Variants in CEACAM16 observed in about 807,000 individuals in gnomAD.
CEACAM16 encodes the protein cell adhesion molecule CEACAM16.
A neutral mutation model predicts 39.4 loss-of-function variants in CEACAM16; 30 were observed. That is an observed-to-expected ratio of 0.76 (90% CI 0.57 to 1.03). The LOEUF (loss-of-function observed/expected upper bound fraction) is 1.03, where lower values mean the gene tolerates loss of function less well. Among genes scored for constraint, CEACAM16 ranks in the 50% least tolerant of loss-of-function variants. CEACAM16 has a pLI of 0.00. For synonymous variants in CEACAM16, 262 were observed against 264.9 expected (o/e 0.99, Z 0.11); for missense variants, 521 against 585.3 (o/e 0.89, Z 1.13).
chr19:44,703,792 A>T, intron 3 of CEACAM16, 99 bp downstream of exon 3: 1 of 1,090,300 alleles, frequency 9.2e-7, no homozygotes, highest in African/African-American at 1.6e-5. Context: ...CCAACAAATC[A>T]TCAGGGAAAC....
rs773120201 is a variant in CEACAM16, at chr19:44,703,458, C to G, written c.147C>G (p.Leu49=). ...TCCATGGGCTTTCGGGGGAACTGCT[C>G]GCCTACAGCTGGTATGCGGGGCCCA... ...LVVHGLSGEL[L]AYSWYAGPTL... is the part of the protein sequence containing the mutation. Residue 49 remains leucine (L), a synonymous_variant, in exon 3 of 7, where the codon CTC becomes CTG. Transcript: ENST00000587331. 1 of 1,613,852 alleles carries G rather than the reference C, an allele frequency of 6.2e-7. No homozygotes were observed. Among genetic ancestry groups the G allele is most frequent in the Non-Finnish European group, 8.5e-7 (1 of 1,179,904 alleles).
At chr19:44,699,568 GGTTTCACCAT>G in intron 1 of CEACAM16, 1 of 376,516 alleles carries the variant, frequency 2.7e-6, no homozygotes, top group East Asian at 7.2e-5. Flanking sequence ...GTAGAGACAG[GGTTTCACCAT>G]GCTGGCCAGG....
At position 44,710,695 on chromosome 19, in the gene CEACAM16, G is replaced by A; in HGVS notation, c.*189G>A. 1.5e-6 allele frequency: 1 copy of A among 676,158 alleles called. No homozygotes were observed. The highest frequency in any genetic ancestry group is 2.5e-6 in the Non-Finnish European group (1 of 402,038). 41.9% of individuals were successfully genotyped at this position (676,158 alleles called of 1,614,324 possible). The stretch of plus-strand genomic sequence containing the variant: ...GCTGAGCTGTTGGGGAGCCACCGAG[G>A]CCATAAACGTCCTGGTTAATGCACA... On this transcript the variant is annotated 3_prime_UTR_variant, in exon 7 of 7. Transcript: ENST00000587331.
chr19:44,703,613 G>A lies in CEACAM16; in HGVS notation c.302G>A (p.Arg101Gln), dbSNP rs985644364. The change falls in exon 3 of 7, where the codon CGG becomes CAG. Residue 101 changes from arginine to glutamine, a missense_variant. Arg to Gln is a conservative substitution (Grantham distance 43). Coordinates refer to ENST00000587331, the MANE Select transcript of CEACAM16 (RefSeq NM_001039213.4). The stretch of plus-strand genomic sequence containing the variant: ...CTGGACATCCAGGGCATCCTGCCCC[G>A]GCACTCAGGCACCTACATCCTGCAG... ...GSLDIQGILP[R>Q]HSGTYILQTF... The A allele has an allele frequency of 2.0e-5, 32 of 1,608,694 alleles. No individual in the cohort carries two copies. Among genetic ancestry groups the A allele is most frequent in the Non-Finnish European group, 2.4e-5 (28 of 1,177,474 alleles).
In CEACAM16 at chr19:44,705,592, G is replaced by T. The variant is rs1974430373; in HGVS notation, c.664G>T (p.Gly222Cys). Residue 222 changes from glycine to cysteine, a missense_variant and splice_region_variant, in exon 5 of 7, where the codon GGC becomes TGC. Transcript: ENST00000587331. Reference protein sequence around the residue: ...SEPINLTVYFGPERVAILQDS... With the variant: ...SEPINLTVYFCPERVAILQDS... The stretch of plus-strand genomic sequence containing the variant: ...CTATCTCCCTCCTGCCCCCACAGTT[G>T]GCCCAGAGCGTGTGGCCATCCTCCA... 6.3e-7 allele frequency: 1 copy of T among 1,593,972 alleles called. No individual in the cohort carries two copies. The highest frequency in any genetic ancestry group is 8.6e-7 in the Non-Finnish European group (1 of 1,165,400).
chr19:44,701,546 G>T lies in CEACAM16; in HGVS notation c.37+53G>T, dbSNP rs1222194833. The stretch of plus-strand genomic sequence containing the variant: ...CTCAGCCCCCCGAGGACCCCAGGGA[G>T]GGGAGGGGACCCCCAGTCTGAGAGA... On this transcript the variant is annotated intron_variant, in intron 2 of 6. Coordinates refer to ENST00000587331, the MANE Select transcript of CEACAM16 (RefSeq NM_001039213.4). This position sits in a 1 kb window ranked among gnomAD's most constrained non-coding sequence, Gnocchi z 4.0. The T allele has an allele frequency of 6.6e-7, 1 of 1,522,826 alleles. No homozygotes were observed. The highest frequency in any genetic ancestry group is 2.4e-5 in the East Asian group (1 of 40,860). 94.3% of individuals were successfully genotyped at this position (1,522,826 alleles called of 1,614,324 possible).
In CEACAM16 at chr19:44,710,564, C is replaced by T. The variant is rs1974521527; in HGVS notation, c.*58C>T. On this transcript the variant is annotated 3_prime_UTR_variant, in exon 7 of 7. Coordinates refer to ENST00000587331, the MANE Select transcript of CEACAM16 (RefSeq NM_001039213.4). ...GCTCTTCGCACCATCCTCTGGTCCTCGCCCTCTGAGTGGGAACCACTCCCC... is the reference window on the plus strand; with the variant it reads ...GCTCTTCGCACCATCCTCTGGTCCTTGCCCTCTGAGTGGGAACCACTCCCC... 2.8e-5 allele frequency: 45 copies of T among 1,610,994 alleles called. No individual in the cohort carries two copies. Among genetic ancestry groups the T allele is most frequent in the East Asian group, 4.5e-5 (2 of 44,870 alleles).
rs374698222 is a variant in CEACAM16 at position 44,705,813 on chromosome 19, G to A, written c.885G>A (p.Ala295=). The change falls in exon 5 of 7, where the codon GCG becomes GCA. Residue 295 remains alanine, a synonymous_variant. Coordinates refer to ENST00000587331, the MANE Select transcript of CEACAM16 (RefSeq NM_001039213.4). ...AGGAGGGGACGTACACATGTATTGC[G>A]AAGAACACCAAGACCCTGCTATCTG... ...AAQEGTYTCI[A]KNTKTLLSGS... The A allele has an allele frequency of 5.4e-4, 866 of 1,613,942 alleles. No homozygotes were observed. Among genetic ancestry groups the A allele is most frequent in the Non-Finnish European group, 6.5e-4 (769 of 1,179,886 alleles).
intron 4 of CEACAM16, among the ~76,000 whole-genome samples, chr19:44,704,767 A>G (rs1470481346): frequency 2.0e-5 from 3 of 151,328 alleles, no homozygotes; most frequent in Non-Finnish European, 4.4e-5. Flanking sequence ...AAAAACAACA[A>G]CAACAAACAA....
chr19:44,702,134 A>G (rs1390338148), intron 2 of CEACAM16, among the ~76,000 whole-genome samples: 1 of 152,070 alleles, frequency 6.6e-6, no homozygotes, highest in Non-Finnish European at 1.5e-5. Flanking sequence ...CTCTACTAAA[A>G]TACAAAAAAT....
In CEACAM16 at chr19:44,701,436, A is replaced by G; in HGVS notation, c.-21A>G. 6.4e-7 allele frequency: 1 copy of G among 1,559,544 alleles called. No homozygotes were observed. The highest frequency in any genetic ancestry group is 8.7e-7 in the Non-Finnish European group (1 of 1,151,116). ...TGGGACTTCAACGCCACCATCTCCA[A>G]GACTCGGTTTGGGGTGAAAGATGGC... On this transcript the variant is annotated 5_prime_UTR_variant, in exon 2 of 7. Coordinates refer to ENST00000587331, the MANE Select transcript of CEACAM16 (RefSeq NM_001039213.4). This position sits in a 1 kb window ranked among gnomAD's most constrained non-coding sequence, Gnocchi z 4.0.
intron 6 of CEACAM16, among the ~76,000 whole-genome samples, chr19:44,708,671 G>A (rs923974633): frequency 6.6e-6 from 1 of 152,064 alleles, no homozygotes; most frequent in Non-Finnish European, 1.5e-5. Flanking sequence ...GAGATCCTGT[G>A]CAGTGGGGAT....
chr19:44,706,436 T>C (rs1269093575), intron 5 of CEACAM16, among the ~76,000 whole-genome samples: 1 of 152,122 alleles, frequency 6.6e-6, no homozygotes. Context: ...TTCAGAGCCA[T>C]TGGGATCCTC....
chr19:44,705,686 T>C lies in CEACAM16; in HGVS notation c.758T>C (p.Val253Ala), dbSNP rs752662834. The C allele has an allele frequency of 1.2e-6, 2 of 1,613,890 alleles. No homozygotes were observed. The highest frequency in any genetic ancestry group is 1.7e-6 in the Non-Finnish European group (2 of 1,179,842). ...DFNTSLTLWC[V>A]SRSCPEPEYV... is the part of the protein sequence containing the mutation. Reference sequence around the variant, plus strand: ...AACACGTCCCTCACCCTGTGGTGCGTGTCCAGGTCCTGCCCAGAGCCCGAG... The same window carrying C: ...AACACGTCCCTCACCCTGTGGTGCGCGTCCAGGTCCTGCCCAGAGCCCGAG... The change falls in exon 5 of 7, where the codon GTG becomes GCG. Residue 253 changes from valine (V) to alanine (A), a missense_variant. Coordinates refer to ENST00000587331, the MANE Select transcript of CEACAM16 (RefSeq NM_001039213.4).
intron 3 of CEACAM16, 98 bp from the exon 4 acceptor site, chr19:44,703,920 C>A (rs1974394938): frequency 7.3e-7 from 1 of 1,372,370 alleles, no homozygotes; most frequent in African/African-American, 1.5e-5. Context: ...GGTGTGGGGG[C>A]CCAGCCACAA....
chr19:44,706,450 C>A (rs756481944), intron 5 of CEACAM16, among the ~76,000 whole-genome samples: 1 of 152,124 alleles, frequency 6.6e-6, no homozygotes, highest in South Asian at 2.1e-4. Context: ...GATCCTCAGG[C>A]GACATTTTCT....
chr19:44,701,622 C>A lies in CEACAM16; in HGVS notation c.37+129C>A. 1 of 903,312 alleles carries A rather than the reference C, an allele frequency of 1.1e-6. No homozygotes were observed. The highest frequency in any genetic ancestry group is 1.4e-5 in the South Asian group (1 of 70,210). The allele number at this position is 903,312 out of a possible 1,614,324, so 56.0% of individuals were successfully genotyped here. The stretch of plus-strand genomic sequence containing the variant: ...GTGCTAGGGAGGGAGGGCAGCCCTG[C>A]TTCACACCGGCAGTTTACCCCTCCA... On this transcript the variant is annotated intron_variant, in intron 2 of 6. Coordinates refer to ENST00000587331, the MANE Select transcript of CEACAM16 (RefSeq NM_001039213.4). The surrounding 1 kb of genome is among the most constrained non-coding windows in gnomAD (Gnocchi z 4.0).
At position 44,701,345 on chromosome 19, in the gene CEACAM16, C is replaced by T. The variant is rs1974341986; in HGVS notation, c.-96-16C>T. 1 of 1,200,952 alleles carries T rather than the reference C, an allele frequency of 8.3e-7. No homozygotes were observed. The highest frequency in any genetic ancestry group is 1.2e-6 in the Non-Finnish European group (1 of 828,084). 74.4% of individuals were successfully genotyped at this position (1,200,952 alleles called of 1,614,324 possible). A position where few individuals can be genotyped will look rare whatever the true frequency, so the allele number is the denominator to read the frequency against. Reference sequence around the variant, plus strand: ...CAGGTGATCTCCCCTGGCTCCAAATCACCAAACCCTCCCAGGTCCTGCGGC... The same window carrying T: ...CAGGTGATCTCCCCTGGCTCCAAATTACCAAACCCTCCCAGGTCCTGCGGC... On this transcript the variant is annotated splice_polypyrimidine_tract_variant and intron_variant, in intron 1 of 6. Coordinates refer to ENST00000587331, the MANE Select transcript of CEACAM16 (RefSeq NM_001039213.4). This position sits in a 1 kb window ranked among gnomAD's most constrained non-coding sequence, Gnocchi z 4.0.
At chr19:44,699,670 TCCGGCCATGAGCCACCACGC>T (rs1267208670) in intron 1 of CEACAM16, among the ~76,000 whole-genome samples, 10 of 151,926 alleles carry the variant, frequency 6.6e-5, no homozygotes, top group Admixed American at 2.0e-4. Context: ...AGCCACTGCG[TCCGGCCATGAGCCACCACGC>T]CCGGCCAGAG....
Sources: allele counts gnomAD v4.1 joint callset (sites outside exome capture counted in the v4.1 genomes callset), GRCh38; gene constraint gnomAD v4.1.1; non-coding constraint Gnocchi (gnomAD v3.1); transcripts MANE v1.5; gene names NCBI Gene and HGNC (gene_info 2026-07-23, HGNC 2026-07-21).